Variants in MAF observed in about 807,000 individuals in gnomAD.
MAF encodes the protein transcription factor Maf.
In MAF, 10 loss-of-function variants were observed where a neutral mutation model predicts 22.0. The observed-to-expected ratio is 0.45, with a 90% CI of 0.28 to 0.77. The LOEUF is 0.77. Among genes scored for constraint, MAF ranks in the 30% least tolerant of loss-of-function variants. The pLI, the probability that MAF is intolerant of heterozygous loss-of-function variation, is 0.12. For missense variants in MAF, 544 were observed against 548.4 expected (o/e 0.99, Z 0.08); for synonymous variants, 337 against 255.8 (o/e 1.32, Z -3.03).
chr16:79,245,328 G>A, the MAF span, among the ~76,000 whole-genome samples: 1 of 151,784 alleles, frequency 6.6e-6, no homozygotes, highest in Non-Finnish European at 1.5e-5. Context: ...TCTGACAAAG[G>A]GCTAATACCT....
the MAF span, among the ~76,000 whole-genome samples, chr16:79,244,431 C>A: frequency 6.6e-6 from 1 of 152,090 alleles, no homozygotes; most frequent in East Asian, 1.9e-4. Context: ...AATAGACAAA[C>A]AGAGAGCCAA....
chr16:79,345,513 A>T, the MAF span, among the ~76,000 whole-genome samples: 3 of 152,000 alleles, frequency 2.0e-5, no homozygotes, highest in African/African-American at 7.3e-5. Flanking sequence ...GGATTACTTG[A>T]GGTCAGGAGT....
At chr16:79,280,133 C>G in the MAF span, among the ~76,000 whole-genome samples, 1 of 152,192 alleles carries the variant, frequency 6.6e-6, no homozygotes, top group Admixed American at 6.5e-5. Context: ...TTTCAGCTCT[C>G]TTTAAGAAGG....
chr16:79,464,436 C>T, the MAF span, among the ~76,000 whole-genome samples: 1 of 152,230 alleles, frequency 6.6e-6, no homozygotes, highest in East Asian at 1.9e-4. Context: ...AAAGATTGGA[C>T]AATGCTGTCC....
the MAF span, among the ~76,000 whole-genome samples, chr16:79,363,887 T>C: frequency 6.6e-6 from 1 of 152,086 alleles, no homozygotes; most frequent in Non-Finnish European, 1.5e-5. Context: ...GGCAAATAGC[T>C]CAGTATAGTT....
the MAF span, among the ~76,000 whole-genome samples, chr16:79,534,002 G>C: frequency 6.6e-6 from 1 of 152,140 alleles, no homozygotes; most frequent in African/African-American, 2.4e-5. Flanking sequence ...TCACCTGAAG[G>C]CCTCACTGTC....
the MAF span, among the ~76,000 whole-genome samples, chr16:79,216,060 C>T: frequency 6.0e-4 from 92 of 152,222 alleles, 2 homozygotes; most frequent in African/African-American, 2.2e-3. Flanking sequence ...GGCATAATTC[C>T]TATTATTCCT....
the MAF span, among the ~76,000 whole-genome samples, chr16:79,370,300 G>C: frequency 0.043 from 6,466 of 152,092 alleles, 272 homozygotes; most frequent in East Asian, 0.19. Flanking sequence ...AGTTACAGTG[G>C]GCAAGGAAAG....
At chr16:79,326,668 A>G in the MAF span, among the ~76,000 whole-genome samples, 1 of 152,220 alleles carries the variant, frequency 6.6e-6, no homozygotes, top group African/African-American at 2.4e-5. Context: ...TTAACTCTGC[A>G]GTTCCAGCAG....
chr16:79,503,062 G>C, the MAF span, among the ~76,000 whole-genome samples: 1 of 152,044 alleles, frequency 6.6e-6, no homozygotes, highest in Non-Finnish European at 1.5e-5. Context: ...CATTGCAGGA[G>C]AGCCTGGGGG....
chr16:79,564,854 T>C, the MAF span, among the ~76,000 whole-genome samples: 2 of 152,166 alleles, frequency 1.3e-5, no homozygotes, highest in East Asian at 1.9e-4. Flanking sequence ...CTATTAACTA[T>C]GTGGGGAAGC....
the MAF span, among the ~76,000 whole-genome samples, chr16:79,210,560 G>C: frequency 1.3e-5 from 2 of 152,130 alleles, no homozygotes; most frequent in Non-Finnish European, 2.9e-5. Flanking sequence ...GTCCTCTCTT[G>C]CAACCCCTCT....
the MAF span, among the ~76,000 whole-genome samples, chr16:79,235,874 G>A: frequency 2.0e-5 from 3 of 152,174 alleles, no homozygotes; most frequent in South Asian, 2.1e-4. Flanking sequence ...GAATTCAGAA[G>A]CAAGAGGAAG....
the MAF span, among the ~76,000 whole-genome samples, chr16:79,249,908 C>T: frequency 1.3e-5 from 2 of 152,136 alleles, no homozygotes; most frequent in Non-Finnish European, 2.9e-5. Context: ...TAGCCCAGTG[C>T]CTGATGCAAA....
chr16:79,534,672 C>A, the MAF span, among the ~76,000 whole-genome samples: 4 of 151,990 alleles, frequency 2.6e-5, no homozygotes, highest in Non-Finnish European at 4.4e-5. Flanking sequence ...ACCAACATGG[C>A]ACATGTATAC....
chr16:79,511,233 G>A, the MAF span, among the ~76,000 whole-genome samples: 1 of 151,698 alleles, frequency 6.6e-6, no homozygotes. Flanking sequence ...ACCCCGAAAA[G>A]GAGTTTCCTT....
the MAF span, among the ~76,000 whole-genome samples, chr16:79,484,338 T>C: frequency 6.6e-6 from 1 of 151,958 alleles, no homozygotes; most frequent in East Asian, 1.9e-4. Context: ...GACCACTACC[T>C]CCCCACCCAG....
chr16:79,271,025 C>T, the MAF span, among the ~76,000 whole-genome samples: 555 of 152,040 alleles, frequency 3.7e-3, 6 homozygotes, highest in African/African-American at 0.013. Context: ...CTCAGCCTCC[C>T]GAGTAGCTGG....
the MAF span, among the ~76,000 whole-genome samples, chr16:79,562,946 C>A: frequency 1.3e-5 from 2 of 152,166 alleles, no homozygotes; most frequent in African/African-American, 4.8e-5. Context: ...AAGCAAAAAT[C>A]CTTCAGGCCT....
Sources: allele counts gnomAD v4.1 joint callset (sites outside exome capture counted in the v4.1 genomes callset), GRCh38; gene constraint gnomAD v4.1.1; transcripts MANE v1.5; gene names NCBI Gene and HGNC (gene_info 2026-07-23, HGNC 2026-07-21).